Variants in CHRNB3 observed in about 807,000 individuals in gnomAD.
CHRNB3 encodes the protein neuronal acetylcholine receptor subunit beta-3.
CHRNB3 carries 37 observed loss-of-function variants against 40.6 expected under a neutral mutation model. That is an observed-to-expected ratio of 0.91 (90% CI 0.70 to 1.20). The LOEUF (loss-of-function observed/expected upper bound fraction) is 1.20. Among genes scored for constraint, CHRNB3 ranks in the 50% most tolerant of loss-of-function variants. The pLI is 0.00. For synonymous variants in CHRNB3, 207 were observed against 207.1 expected (o/e 1.00, Z 0.00); for missense variants, 505 against 551.2 (o/e 0.92, Z 0.84).
At chr8:42,711,584 AG>A (rs1041137548) in intron 3 of CHRNB3, among the ~76,000 whole-genome samples, 18 of 152,114 alleles carry the variant, frequency 1.2e-4, no homozygotes, top group Non-Finnish European at 2.5e-4. Context: ...TAGTAGAAAC[AG>A]GGTTTCACCA....
At chr8:42,707,722 G>A (rs1815941679) in intron 1 of CHRNB3, among the ~76,000 whole-genome samples, 1 of 152,198 alleles carries the variant, frequency 6.6e-6, no homozygotes, top group Non-Finnish European at 1.5e-5. Context: ...TGGGCAGAGT[G>A]TGACATCCTG....
intron 3 of CHRNB3, among the ~76,000 whole-genome samples, chr8:42,719,082 A>G (rs1260841521): frequency 1.3e-5 from 2 of 152,172 alleles, no homozygotes; most frequent in Non-Finnish European, 2.9e-5. Context: ...CTATGCAAAC[A>G]TGGAATATTA....
At chr8:42,724,998 G>GA (rs1816281424) in intron 3 of CHRNB3, among the ~76,000 whole-genome samples, 1 of 151,048 alleles carries the variant, frequency 6.6e-6, no homozygotes, top group Admixed American at 6.6e-5. Context: ...AACAAAAAAA[G>GA]AAAACACTGG....
Position 42,732,136 on chromosome 8 carries a change from GTTTTCC to G in CHRNB3, c.834_839del (p.Phe278_Leu279del). On this transcript the variant is annotated inframe_deletion, in exon 5 of 6. Transcript: ENST00000289957. Reference sequence around the variant, plus strand: ...CACATCGGTCTTGGTTTCTCTGACAGTTTTCCTTTTAGTGATTGAAGAAATCATCCC... The same window carrying G: ...CACATCGGTCTTGGTTTCTCTGACAGTTTTAGTGATTGAAGAAATCATCCC... 1 of 1,612,806 alleles carries G rather than the reference GTTTTCC, an allele frequency of 6.2e-7. No homozygotes were observed. Among genetic ancestry groups the G allele is most frequent in the Non-Finnish European group, 8.5e-7 (1 of 1,179,684 alleles).
chr8:42,733,123 A>C (rs1436580901), intron 5 of CHRNB3, among the ~76,000 whole-genome samples: 2 of 151,878 alleles, frequency 1.3e-5, no homozygotes, highest in African/African-American at 4.8e-5. Flanking sequence ...TGAGTGCAGG[A>C]GATCGAGACC....
intron 3 of CHRNB3, among the ~76,000 whole-genome samples, chr8:42,719,897 A>G (rs913803355): frequency 6.6e-6 from 1 of 152,028 alleles, no homozygotes; most frequent in Non-Finnish European, 1.5e-5. Context: ...CACCAGTGTT[A>G]GCAGTATTGA....
At chr8:42,734,949 G>T (rs959593626) in intron 5 of CHRNB3, among the ~76,000 whole-genome samples, 7 of 151,998 alleles carry the variant, frequency 4.6e-5, no homozygotes, top group African/African-American at 1.5e-4. Flanking sequence ...GGCCAGGCGC[G>T]GTAGCTCACG....
chr8:42,725,885 A>C, intron 3 of CHRNB3: 1 of 835,248 alleles, frequency 1.2e-6, no homozygotes, highest in East Asian at 2.4e-5. Flanking sequence ...ACACCACTAA[A>C]AATTTTCTTT....
At position 42,699,882 on chromosome 8, in the gene CHRNB3, CTT is replaced by C. The variant is rs576300946; in HGVS notation, c.52+2302_52+2303del. On this transcript the variant is annotated intron_variant, in intron 1 of 5. Coordinates refer to ENST00000289957, the MANE Select transcript of CHRNB3 (RefSeq NM_000749.5). ...AAGAGGCTGCCATATTTGTGGTATG[CTT>C]TTTTTTTTTTTTTTTTTGACGAGGC... is the stretch of plus-strand genomic sequence containing the variant. Among the ~76,000 whole-genome samples the C allele has an allele frequency of 7.5e-3, 883 of 117,528 alleles. 1 individual carries two copies. Among genetic ancestry groups the C allele is most frequent in the Middle Eastern group, 0.033 (8 of 244 alleles). 77.1% of individuals were successfully genotyped at this position (117,528 alleles called of 152,430 possible). A position where few individuals can be genotyped will look rare whatever the true frequency, so the allele number is the denominator to read the frequency against.
intron 3 of CHRNB3, among the ~76,000 whole-genome samples, chr8:42,727,136 G>C (rs912000965): frequency 1.3e-5 from 2 of 152,134 alleles, no homozygotes; most frequent in African/African-American, 2.4e-5. Flanking sequence ...ATTTTGGGAG[G>C]CCAAGGTGGC....
At chr8:42,709,218 G>A (rs779520541) in intron 2 of CHRNB3, among the ~76,000 whole-genome samples, 13 of 152,106 alleles carry the variant, frequency 8.5e-5, no homozygotes, top group Non-Finnish European at 1.5e-4. Context: ...TGTGATCTTC[G>A]ATCCTCCCTG....
intron 3 of CHRNB3, among the ~76,000 whole-genome samples, chr8:42,727,111 A>C (rs1156535804): frequency 6.6e-6 from 1 of 152,120 alleles, no homozygotes; most frequent in African/African-American, 2.4e-5. Context: ...CGTGGCTCAC[A>C]CCTGTAGTCC....
In CHRNB3 at chr8:42,736,694, T is replaced by A. The variant is rs1816531275; in HGVS notation, c.*76T>A. On this transcript the variant is annotated 3_prime_UTR_variant, in exon 6 of 6. Coordinates refer to ENST00000289957, the MANE Select transcript of CHRNB3 (RefSeq NM_000749.5). ...ATCACACAGACAGAATCCAAATGCA[T>A]GTGCTTGTTCTACGAACCCCGAATG... The A allele has an allele frequency of 6.4e-7, 1 of 1,557,896 alleles. No homozygotes were observed. The highest frequency in any genetic ancestry group is 8.8e-7 in the Non-Finnish European group (1 of 1,134,972).
At chr8:42,722,134 G>A (rs1264298903) in intron 3 of CHRNB3, among the ~76,000 whole-genome samples, 3 of 152,114 alleles carry the variant, frequency 2.0e-5, no homozygotes, top group Admixed American at 1.3e-4. Flanking sequence ...AGCACTTTGG[G>A]AAGCCGAGGC....
chr8:42,735,989 C>T (rs976255887), intron 5 of CHRNB3, among the ~76,000 whole-genome samples: 4 of 152,130 alleles, frequency 2.6e-5, no homozygotes, highest in African/African-American at 9.7e-5. Context: ...CCTCAGCCTC[C>T]CAAGTAGCTG....
chr8:42,706,914 C>T (rs1815931344), intron 1 of CHRNB3, among the ~76,000 whole-genome samples: 1 of 152,086 alleles, frequency 6.6e-6, no homozygotes, highest in African/African-American at 2.4e-5. Context: ...GGGTGTGCCA[C>T]CATGCCCGGC....
chr8:42,710,243 C>T (rs1045823161), intron 2 of CHRNB3, 147 bp from the exon 3 acceptor site: 10 of 641,076 alleles, frequency 1.6e-5, no homozygotes, highest in Admixed American at 3.0e-5. Flanking sequence ...GCTTGAGCCC[C>T]GGAGGTTGAG....
Position 42,710,407 on chromosome 8 carries a change from G to A in CHRNB3, c.222G>A (p.Leu74=). The A allele has an allele frequency of 6.2e-7, 1 of 1,610,088 alleles. No homozygotes were observed. The highest frequency in any genetic ancestry group is 8.5e-7 in the Non-Finnish European group (1 of 1,177,664). The change falls in exon 3 of 6, where the codon CTG becomes CTA. Residue 74 remains leucine, a synonymous_variant. Coordinates refer to ENST00000289957, the MANE Select transcript of CHRNB3 (RefSeq NM_000749.5). ...QLVDVDEKNQ[L]MTTNVWLKQE... is the part of the protein sequence containing the mutation. ...TTTCTTAGGATGAAAAGAATCAGCTGATGACAACCAATGTGTGGCTCAAAC... is the reference window on the plus strand; with the variant it reads ...TTTCTTAGGATGAAAAGAATCAGCTAATGACAACCAATGTGTGGCTCAAAC...
chr8:42,734,395 A>C (rs530930254), intron 5 of CHRNB3, among the ~76,000 whole-genome samples: 9 of 151,364 alleles, frequency 5.9e-5, no homozygotes, highest in Non-Finnish European at 1.3e-4. Flanking sequence ...CAAGAGCCTG[A>C]TCCCGTAAAC....
Sources: gnomAD v4.1 joint callset for allele counts (sites outside exome capture counted in the v4.1 genomes callset) on GRCh38, gnomAD v4.1.1 for gene constraint, MANE v1.5 for transcripts, NCBI Gene and HGNC (gene_info 2026-07-23, HGNC 2026-07-21) for gene names.